LSM1: variants seen among roughly 807,000 people sequenced by gnomAD.
The protein encoded by LSM1 is U6 snRNA-associated Sm-like protein LSm1.
LSM1 carries 13 observed loss-of-function variants against 18.0 expected under a neutral mutation model. The ratio of observed to expected loss-of-function variants is 0.72; its 90% CI spans 0.47 to 1.15. The LOEUF (loss-of-function observed/expected upper bound fraction) is 1.15. LSM1 is among the 50% of genes most tolerant of loss of function. The pLI, the probability that LSM1 is intolerant of heterozygous loss-of-function variation, is 0.00. For synonymous variants in LSM1, 46 were observed against 56.0 expected (o/e 0.82, Z 0.80); for missense variants, 152 against 157.7 (o/e 0.96, Z 0.19).
chr8:38,174,443 T>C (rs1473489243), intron 1 of LSM1, among the ~76,000 whole-genome samples: 1 of 151,894 alleles, frequency 6.6e-6, no homozygotes, highest in Non-Finnish European at 1.5e-5. Flanking sequence ...TGTGTTAGGG[T>C]TGGGGAGCAA....
intron 3 of LSM1, among the ~76,000 whole-genome samples, chr8:38,165,426 T>C (rs1025411265): frequency 2.0e-5 from 3 of 151,994 alleles, no homozygotes; most frequent in Non-Finnish European, 4.4e-5. Flanking sequence ...GTAGATAATA[T>C]GGAAAATAGA....
intron 1 of LSM1, among the ~76,000 whole-genome samples, chr8:38,172,418 T>A (rs1279653633): frequency 6.6e-6 from 1 of 151,026 alleles, no homozygotes; most frequent in East Asian, 1.9e-4. Context: ...GCCTCCCAGG[T>A]TCAAGCGATC....
intron 3 of LSM1, among the ~76,000 whole-genome samples, chr8:38,166,936 TATTACTTA>T (rs1802941996): frequency 6.6e-6 from 1 of 152,242 alleles, no homozygotes; most frequent in Admixed American, 6.5e-5. Context: ...CCAACAGTCT[TATTACTTA>T]ATGCTGTGTC....
intron 1 of LSM1, 128 bp from the exon 2 acceptor site, chr8:38,172,161 T>C (rs1287090067): frequency 5.9e-6 from 4 of 677,226 alleles, no homozygotes; most frequent in African/African-American, 1.9e-5. Flanking sequence ...TCAAGTTCAT[T>C]GGAAAACTGA....
chr8:38,175,998 T>G (rs1563276850), intron 1 of LSM1: 4 of 378,922 alleles, frequency 1.1e-5, no homozygotes, highest in Non-Finnish European at 1.9e-5. Context: ...GGGCCTCTGC[T>G]GCCGCGATCC....
intron 3 of LSM1, among the ~76,000 whole-genome samples, chr8:38,168,031 G>A (rs932777168): frequency 6.6e-6 from 1 of 150,838 alleles, no homozygotes; most frequent in South Asian, 2.1e-4. Context: ...GCACGATCTC[G>A]ACTCACTGCA....
At chr8:38,170,029 C>A in intron 2 of LSM1, 112 bp from the exon 3 acceptor site, 1 of 578,492 alleles carries the variant, frequency 1.7e-6, no homozygotes, top group South Asian at 2.5e-5. Flanking sequence ...GATTTCCAAG[C>A]TTTCTAATTA....
intron 2 of LSM1, among the ~76,000 whole-genome samples, chr8:38,171,248 T>C (rs1296534597): frequency 6.6e-6 from 1 of 152,248 alleles, no homozygotes; most frequent in Non-Finnish European, 1.5e-5. Flanking sequence ...ATAAGCAGCC[T>C]TGGGCCGGGC....
intron 3 of LSM1, among the ~76,000 whole-genome samples, chr8:38,165,719 A>G (rs1802916659): frequency 6.6e-6 from 1 of 151,290 alleles, no homozygotes; most frequent in African/African-American, 2.4e-5. Context: ...AAAAAAAAGT[A>G]AAAAATAAAA....
At chr8:38,169,572 TAA>T (rs1802990584) in intron 3 of LSM1, among the ~76,000 whole-genome samples, 1 of 152,208 alleles carries the variant, frequency 6.6e-6, no homozygotes, top group Admixed American at 6.5e-5. Context: ...CCAGCATATA[TAA>T]ATCAAGCTTT....
At chr8:38,172,303 G>T (rs1166915703) in intron 1 of LSM1, among the ~76,000 whole-genome samples, 3 of 140,868 alleles carry the variant, frequency 2.1e-5, no homozygotes, top group Non-Finnish European at 4.7e-5. Context: ...CCTTATGTTG[G>T]TTTTTTTTTT....
intron 3 of LSM1, 122 bp downstream of exon 3, chr8:38,169,680 A>G: frequency 1.7e-6 from 1 of 575,576 alleles, no homozygotes. Flanking sequence ...TTAATTTGGT[A>G]GTTGCCTAGG....
chr8:38,174,547 ATTTT>A (rs1405435549), intron 1 of LSM1, among the ~76,000 whole-genome samples: 1 of 152,110 alleles, frequency 6.6e-6, no homozygotes, highest in African/African-American at 2.4e-5. Flanking sequence ...AGCAAAACTG[ATTTT>A]TAGTAAAATG....
chr8:38,171,755 C>A (rs566751268), intron 2 of LSM1, among the ~76,000 whole-genome samples: 1 of 152,310 alleles, frequency 6.6e-6, no homozygotes, highest in East Asian at 1.9e-4. Flanking sequence ...CTACTGAAAG[C>A]CAGTTTTAGA....
intron 1 of LSM1, 111 bp downstream of exon 1, chr8:38,176,164 G>A: frequency 1.1e-6 from 1 of 896,736 alleles, no homozygotes. Flanking sequence ...ATTGAGCTCA[G>A]AACACACCGG....
At chr8:38,167,993 G>A (rs145151767) in intron 3 of LSM1, among the ~76,000 whole-genome samples, 30,716 of 148,906 alleles carry the variant, frequency 0.21, 3,411 homozygotes, top group East Asian at 0.31. Flanking sequence ...ACGGAATCTT[G>A]CTCTGTCGCC....
In LSM1 at chr8:38,172,081, C is replaced by T. The variant is rs376821606; in HGVS notation, c.47-48G>A. 90 of 1,297,760 alleles carry T rather than the reference C, an allele frequency of 6.9e-5. No individual in the cohort carries two copies. In the African/African-American group the frequency reaches 9.9e-4, roughly 14 times the overall value. The allele number at this position is 1,297,760 out of a possible 1,614,324, so 80.4% of individuals were successfully genotyped here. On this transcript the variant is annotated intron_variant, in intron 1 of 3. Transcript: ENST00000311351. ...TTTAAATGAAAACTGACAAGTTCAG[C>T]GAGTATTTAGGATAATAATTAACAG...
At chr8:38,164,077 G>A (rs1220186132) in intron 3 of LSM1, among the ~76,000 whole-genome samples, 1 of 152,136 alleles carries the variant, frequency 6.6e-6, no homozygotes. Context: ...TATTTTTCAA[G>A]ATGGAGTCTC....
upstream of LSM1, chr8:38,176,542 G>A (rs1464510560): frequency 1.7e-6 from 1 of 579,346 alleles, no homozygotes; most frequent in Non-Finnish European, 3.0e-6. Context: ...GAAGAGGCGG[G>A]GCAGCCGTAC....
Sources: gnomAD v4.1 joint callset for allele counts (sites outside exome capture counted in the v4.1 genomes callset) on GRCh38, gnomAD v4.1.1 for gene constraint, MANE v1.5 for transcripts, NCBI Gene and HGNC (gene_info 2026-07-23, HGNC 2026-07-21) for gene names.